The following ZNF148 variants were observed in gnomAD, a reference collection of about 807,000 sequenced individuals.
ZNF148 encodes zinc finger protein 148.
Under a neutral mutation model 67.7 loss-of-function variants are expected in ZNF148, and 7 were observed. The ratio of observed to expected loss-of-function variants is 0.10; its 90% CI spans 0.06 to 0.19. ZNF148 has a LOEUF of 0.19. Ranked by LOEUF, ZNF148 falls within the 10% of genes least tolerant of loss-of-function variation. The probability of loss-of-function intolerance (pLI) is 1.00; values close to 1 mark genes in which losing one functional copy is unlikely to be tolerated. For missense variants in ZNF148, 583 were observed against 947.1 expected (o/e 0.62, Z 5.05); for synonymous variants, 333 against 330.7 (o/e 1.01, Z -0.08).
chr3:125,300,495 C>T (rs570248379), intron 4 of ZNF148, among the ~76,000 whole-genome samples: 1 of 152,124 alleles, frequency 6.6e-6, no homozygotes, highest in Non-Finnish European at 1.5e-5. Context: ...AGGTCTTATA[C>T]CAATGGCCAA....
At chr3:125,320,090 CT>C (rs1167741843) in intron 3 of ZNF148, among the ~76,000 whole-genome samples, 3 of 152,168 alleles carry the variant, frequency 2.0e-5, no homozygotes. Flanking sequence ...AATTTTCTAT[CT>C]GTTACTCATA....
chr3:125,353,225 T>C (rs1327346410), intron 1 of ZNF148, among the ~76,000 whole-genome samples: 2 of 152,176 alleles, frequency 1.3e-5, no homozygotes, highest in African/African-American at 2.4e-5. Flanking sequence ...ACAAACTATG[T>C]CATTCTGGAA....
intron 1 of ZNF148, among the ~76,000 whole-genome samples, chr3:125,341,999 C>T (rs6804933): frequency 2.2e-5 from 3 of 138,916 alleles, no homozygotes; most frequent in East Asian, 2.5e-4. Flanking sequence ...TGTTTCGGGG[C>T]GGGGGGGGGA....
chr3:125,350,958 C>A (rs1056852303), intron 1 of ZNF148, among the ~76,000 whole-genome samples: 2 of 152,142 alleles, frequency 1.3e-5, no homozygotes, highest in East Asian at 3.8e-4. Context: ...TGTATGATTC[C>A]ACTTTTTATG....
chr3:125,280,239 G>A (rs1211567787), intron 5 of ZNF148, among the ~76,000 whole-genome samples: 1 of 152,078 alleles, frequency 6.6e-6, no homozygotes, highest in Non-Finnish European at 1.5e-5. Context: ...TGGGTAAAAA[G>A]AAGGAAGACA....
At chr3:125,343,902 A>G (rs574582912) in intron 1 of ZNF148, among the ~76,000 whole-genome samples, 2 of 152,120 alleles carry the variant, frequency 1.3e-5, no homozygotes, top group South Asian at 4.2e-4. Context: ...CACCAACAAT[A>G]AACTGAAAAG....
chr3:125,274,009 A>G (rs1937907133), intron 7 of ZNF148, among the ~76,000 whole-genome samples: 1 of 152,224 alleles, frequency 6.6e-6, no homozygotes, highest in Non-Finnish European at 1.5e-5. Context: ...TGGTGATAAG[A>G]CTGGCAGTTT....
intron 7 of ZNF148, among the ~76,000 whole-genome samples, chr3:125,250,668 G>A (rs1311617965): frequency 6.6e-6 from 1 of 152,218 alleles, no homozygotes; most frequent in Non-Finnish European, 1.5e-5. Context: ...GATGACAGCA[G>A]TTGGAATAAG....
chr3:125,346,038 G>C (rs1043480206), intron 1 of ZNF148, among the ~76,000 whole-genome samples: 3 of 151,980 alleles, frequency 2.0e-5, no homozygotes, highest in Admixed American at 1.3e-4. Context: ...AAAAGAAAAT[G>C]ACAAGCCTAT....
At chr3:125,313,082 A>G (rs1484771651) in intron 4 of ZNF148, among the ~76,000 whole-genome samples, 1 of 152,216 alleles carries the variant, frequency 6.6e-6, no homozygotes, top group African/African-American at 2.4e-5. Context: ...ATACCAAAAT[A>G]ATCCTGAGAA....
At chr3:125,254,042 T>C (rs912276983) in intron 7 of ZNF148, among the ~76,000 whole-genome samples, 1 of 152,168 alleles carries the variant, frequency 6.6e-6, no homozygotes, top group East Asian at 1.9e-4. Context: ...CCTGGAGATA[T>C]GTGAAAAAAA....
intron 4 of ZNF148, among the ~76,000 whole-genome samples, chr3:125,312,012 T>C (rs1246087189): frequency 1.3e-5 from 2 of 152,058 alleles, no homozygotes; most frequent in Non-Finnish European, 2.9e-5. Flanking sequence ...TACCAAACAT[T>C]TAAGGAAGAA....
chr3:125,274,112 T>C (rs957925923), intron 7 of ZNF148, among the ~76,000 whole-genome samples: 37 of 152,148 alleles, frequency 2.4e-4, no homozygotes, highest in Admixed American at 2.2e-3. Context: ...ATTTTTAAAA[T>C]AGGCACCTTA....
chr3:125,253,700 G>C (rs910893979), intron 7 of ZNF148, among the ~76,000 whole-genome samples: 3 of 152,038 alleles, frequency 2.0e-5, no homozygotes, highest in Non-Finnish European at 4.4e-5. Flanking sequence ...TCCTTAATTT[G>C]TTAATTAAGG....
At position 125,230,546 on chromosome 3, in the gene ZNF148, C is replaced by G. The variant is rs928679688; in HGVS notation, c.*1795G>C. On this transcript the variant is annotated 3_prime_UTR_variant, in exon 9 of 9. Coordinates refer to ENST00000360647, the MANE Select transcript of ZNF148 (RefSeq NM_021964.3). ...ATTTATATTCCTTATCATAAAAACA[C>G]CAATATATTCAAAATAAATGAAGGA... 12 of 152,390 alleles carry G rather than the reference C, an allele frequency of 7.9e-5. No individual in the cohort carries two copies. The highest frequency in any genetic ancestry group is 2.9e-4 in the African/African-American group (12 of 41,386). The allele number at this position is 152,390 out of a possible 1,614,324, so 9.4% of individuals were successfully genotyped here. A position where few individuals can be genotyped will look rare whatever the true frequency, so the allele number is the denominator to read the frequency against.
In ZNF148 at chr3:125,356,057, G is replaced by A. The variant is rs553301492; in HGVS notation, c.-234+19045C>T. Reference sequence around the variant, plus strand: ...CGCATGAAAAATATATCTTCCCCCCGTTAAAAACCATAAGCATCTGCCTGT... The same window carrying A: ...CGCATGAAAAATATATCTTCCCCCCATTAAAAACCATAAGCATCTGCCTGT... On this transcript the variant is annotated intron_variant, in intron 1 of 8. Coordinates refer to ENST00000360647, the MANE Select transcript of ZNF148 (RefSeq NM_021964.3). Among the ~76,000 whole-genome samples, 623 of 151,894 alleles carry A rather than the reference G, an allele frequency of 4.1e-3. 6 individuals carry two copies. The highest frequency in any genetic ancestry group is 4.7e-3 in the Non-Finnish European group (319 of 67,926).
At chr3:125,260,475 T>C (rs1039419110) in intron 7 of ZNF148, among the ~76,000 whole-genome samples, 4 of 152,192 alleles carry the variant, frequency 2.6e-5, no homozygotes, top group Admixed American at 6.5e-5. Flanking sequence ...CAGATGACTT[T>C]CAAATGCACT....
At chr3:125,254,213 T>G (rs1936970238) in intron 7 of ZNF148, among the ~76,000 whole-genome samples, 1 of 152,196 alleles carries the variant, frequency 6.6e-6, no homozygotes, top group Non-Finnish European at 1.5e-5. Flanking sequence ...TATGTAGATC[T>G]AAGTGATGTA....
At position 125,331,242 on chromosome 3, in the gene ZNF148, C is replaced by A. The variant is rs923897036; in HGVS notation, c.-233-4G>T. On this transcript the variant is annotated splice_region_variant and splice_polypyrimidine_tract_variant and intron_variant, in intron 1 of 8. Coordinates refer to ENST00000360647, the MANE Select transcript of ZNF148 (RefSeq NM_021964.3). ...GCTGCTGATTCCTCCCTCTATCCTA[C>A]AAAAGTACACAAATACAGGTTAACC... is the stretch of plus-strand genomic sequence containing the variant. 2.3e-5 allele frequency: 9 copies of A among 398,378 alleles called. No individual in the cohort carries two copies. The highest frequency in any genetic ancestry group is 3.1e-5 in the Non-Finnish European group (7 of 226,014). The allele number at this position is 398,378 out of a possible 1,614,324, so 24.7% of individuals were successfully genotyped here. A position where few individuals can be genotyped will look rare whatever the true frequency, so the allele number is the denominator to read the frequency against.
Sources: allele counts gnomAD v4.1 joint callset (sites outside exome capture counted in the v4.1 genomes callset), GRCh38; gene constraint gnomAD v4.1.1; transcripts MANE v1.5; gene names NCBI Gene and HGNC (gene_info 2026-07-23, HGNC 2026-07-21).